Variants in SLC24A3 observed in about 807,000 individuals in gnomAD.
SLC24A3 encodes the protein sodium/potassium/calcium exchanger 3.
A neutral mutation model predicts 75.8 loss-of-function variants in SLC24A3; 28 were observed. The ratio of observed to expected loss-of-function variants is 0.37; its 90% CI spans 0.27 to 0.51. SLC24A3 has a LOEUF of 0.51. SLC24A3 is among the 20% of genes least tolerant of loss of function. SLC24A3 has a pLI of 0.94. For synonymous variants in SLC24A3, 372 were observed against 334.1 expected, an observed-to-expected ratio of 1.11 and a Z score of -1.24; for missense variants, 663 against 847.8, an observed-to-expected ratio of 0.78 and a Z score of 2.71.
chr20:19,389,928 T>G (rs536900419), intron 2 of SLC24A3, among the ~76,000 whole-genome samples: 26 of 152,244 alleles, frequency 1.7e-4, no homozygotes, highest in East Asian at 3.9e-4. Flanking sequence ...TTTGGTGGTG[T>G]TGTTGTTGTT....
chr20:19,678,024 G>C (rs1051469684), intron 9 of SLC24A3, among the ~76,000 whole-genome samples: 1 of 151,438 alleles, frequency 6.6e-6, no homozygotes, highest in Non-Finnish European at 1.5e-5. Context: ...GGGTTGGGGG[G>C]TAAGGTCACA....
chr20:19,480,925 G>T (rs1432531472), intron 2 of SLC24A3, among the ~76,000 whole-genome samples: 1 of 152,168 alleles, frequency 6.6e-6, no homozygotes, highest in Non-Finnish European at 1.5e-5. Flanking sequence ...AATACATATT[G>T]ACTACCCTAT....
chr20:19,218,430 G>A lies in SLC24A3; in HGVS notation c.142+5446G>A, dbSNP rs545664462. 1.3e-4 allele frequency among the ~76,000 whole-genome samples: 20 copies of A among 152,318 alleles called. No homozygotes were observed. The South Asian group carries it at 1.7e-3, about 13-fold the overall frequency. On this transcript the variant is annotated intron_variant, in intron 1 of 16. Transcript: ENST00000328041. ...CTACATCAGGGCTGCATGCTGCTGC[G>A]TTTTCCAGCCTCTGTGGAGGAGGAC... is the stretch of plus-strand genomic sequence containing the variant.
rs767571293 is a variant in SLC24A3, at chr20:19,685,131, C to G, written c.1094C>G (p.Thr365Ser). 4 of 1,613,262 alleles carry G rather than the reference C, an allele frequency of 2.5e-6. No individual in the cohort carries two copies. Among genetic ancestry groups the G allele is most frequent in the Non-Finnish European group, 3.4e-6 (4 of 1,179,410 alleles). Reference protein sequence around the residue: ...RQRLINSRAYTNGESEVAIKI... With the variant: ...RQRLINSRAYSNGESEVAIKI... ...AGATTGATAAACAGCAGGGCTTATA[C>G]CAACGGGGAATCTGAGGTGGCCATC... is the stretch of plus-strand genomic sequence containing the variant. The change falls in exon 12 of 17, where the codon ACC becomes AGC. Residue 365 changes from threonine (T) to serine (S), a missense_variant. Transcript: ENST00000328041.
intron 6 of SLC24A3, among the ~76,000 whole-genome samples, chr20:19,591,326 CAAA>C (rs201342268): frequency 6.8e-6 from 1 of 147,826 alleles, no homozygotes; most frequent in Non-Finnish European, 1.5e-5. Context: ...CAGGTAACAA[CAAA>C]AAAAAAATCC....
intron 2 of SLC24A3, among the ~76,000 whole-genome samples, chr20:19,316,897 A>C (rs370117382): frequency 7.9e-5 from 12 of 152,180 alleles, no homozygotes; most frequent in Middle Eastern, 3.4e-3. Flanking sequence ...GACATAGGTA[A>C]ATGTGTGCCA....
At chr20:19,607,739 C>G (rs1244027184) in intron 6 of SLC24A3, among the ~76,000 whole-genome samples, 1 of 152,212 alleles carries the variant, frequency 6.6e-6, no homozygotes, top group Non-Finnish European at 1.5e-5. Context: ...GTCAACTGGA[C>G]TGCCAAAGTC....
At chr20:19,346,334 ATATATATATGG>A (rs1452168452) in intron 2 of SLC24A3, among the ~76,000 whole-genome samples, 1 of 67,824 alleles carries the variant, frequency 1.5e-5, no homozygotes, top group Non-Finnish European at 2.9e-5. Context: ...TATATGGTGT[ATATATATATGG>A]TATATATATG....
At chr20:19,496,827 GGGA>G (rs1171866432) in intron 2 of SLC24A3, among the ~76,000 whole-genome samples, 2 of 152,138 alleles carry the variant, frequency 1.3e-5, no homozygotes, top group East Asian at 3.9e-4. Flanking sequence ...GGGCTTTCCA[GGGA>G]GGAGGACAGA....
chr20:19,489,696 C>T (rs1390340147), intron 2 of SLC24A3, among the ~76,000 whole-genome samples: 1 of 152,132 alleles, frequency 6.6e-6, no homozygotes, highest in Non-Finnish European at 1.5e-5. Context: ...TTGTTGAGAG[C>T]TTCCTAGTGG....
At chr20:19,417,962 A>C (rs945382747) in intron 2 of SLC24A3, among the ~76,000 whole-genome samples, 1 of 152,218 alleles carries the variant, frequency 6.6e-6, no homozygotes, top group African/African-American at 2.4e-5. Flanking sequence ...CAATCTGCTC[A>C]AAACAAAAGG....
intron 15 of SLC24A3, among the ~76,000 whole-genome samples, chr20:19,716,498 C>G (rs117585669): frequency 0.054 from 8,155 of 151,622 alleles, 267 homozygotes; most frequent in Middle Eastern, 0.12. Flanking sequence ...TGTTGGAGAG[C>G]ACAGATATAG....
chr20:19,470,685 G>A (rs1987856050), intron 2 of SLC24A3, among the ~76,000 whole-genome samples: 1 of 152,188 alleles, frequency 6.6e-6, no homozygotes, highest in Non-Finnish European at 1.5e-5. Flanking sequence ...AGACGCAGAA[G>A]AAGACTTTGA....
intron 2 of SLC24A3, among the ~76,000 whole-genome samples, chr20:19,392,187 C>T (rs991984231): frequency 5.4e-5 from 8 of 148,578 alleles, no homozygotes; most frequent in Admixed American, 2.8e-4. Context: ...GTTTCCTGAG[C>T]CTGAGTTGTA....
intron 2 of SLC24A3, among the ~76,000 whole-genome samples, chr20:19,422,498 T>A (rs6112366): frequency 0.3 from 45,594 of 152,078 alleles, 8,244 homozygotes; most frequent in Middle Eastern, 0.49. Context: ...GGAACCTGGC[T>A]TCTGACCTGG....
intron 2 of SLC24A3, among the ~76,000 whole-genome samples, chr20:19,432,163 G>A (rs1987114937): frequency 6.6e-6 from 1 of 151,930 alleles, no homozygotes. Context: ...GCATGTCAAT[G>A]CAAACATAGT....
chr20:19,237,249 G>C (rs1279994369), intron 1 of SLC24A3, among the ~76,000 whole-genome samples: 1 of 152,092 alleles, frequency 6.6e-6, no homozygotes, highest in South Asian at 2.1e-4. Context: ...TCAGCACCTG[G>C]TGCTCCTGGG....
intron 2 of SLC24A3, among the ~76,000 whole-genome samples, chr20:19,509,669 T>C (rs1447264899): frequency 6.6e-6 from 1 of 152,240 alleles, no homozygotes; most frequent in African/African-American, 2.4e-5. Context: ...CTGGGTCAAC[T>C]GGGCAGAGTG....
At chr20:19,464,412 C>G (rs1310913964) in intron 2 of SLC24A3, among the ~76,000 whole-genome samples, 1 of 152,040 alleles carries the variant, frequency 6.6e-6, no homozygotes, top group Admixed American at 6.5e-5. Flanking sequence ...CATGCACACA[C>G]ACAAAGCCAG....
Sources: allele counts gnomAD v4.1 joint callset (sites outside exome capture counted in the v4.1 genomes callset), GRCh38; gene constraint gnomAD v4.1.1; transcripts MANE v1.5; gene names NCBI Gene and HGNC (gene_info 2026-07-23, HGNC 2026-07-21).